ROPN1L: variants seen among roughly 807,000 people sequenced by gnomAD.
ROPN1L encodes the protein ropporin-1-like protein.
A neutral mutation model predicts 22.7 loss-of-function variants in ROPN1L; 23 were observed. The observed-to-expected ratio is 1.01, with a 90% CI of 0.73 to 1.43. The LOEUF is 1.43. ROPN1L is among the 40% of genes most tolerant of loss of function. The pLI is 0.00. For synonymous variants in ROPN1L, 116 were observed against 117.8 expected, an observed-to-expected ratio of 0.98 and a Z score of 0.10; for missense variants, 271 against 291.5, an observed-to-expected ratio of 0.93 and a Z score of 0.51.
At chr5:10,468,882 G>T (rs1480441858), downstream of ROPN1L, among the ~76,000 whole-genome samples, 2 of 152,236 alleles carry the variant, frequency 1.3e-5, no homozygotes, top group African/African-American at 4.8e-5. Flanking sequence ...TGGGCTGGGC[G>T]CAATGGCTCA....
intron 4 of ROPN1L, among the ~76,000 whole-genome samples, chr5:10,471,314 C>A (rs897226257): frequency 2.8e-5 from 4 of 144,144 alleles, no homozygotes; most frequent in Non-Finnish European, 6.1e-5. Context: ...ATTTTTTGTA[C>A]TTTTTTTTTT....
downstream of ROPN1L, among the ~76,000 whole-genome samples, chr5:10,465,913 C>A (rs1049909686): frequency 1.2e-4 from 18 of 152,292 alleles, no homozygotes; most frequent in Middle Eastern, 6.8e-3. Context: ...TTGCTCCCTG[C>A]CTACCCCTCC....
intron 3 of ROPN1L, among the ~76,000 whole-genome samples, chr5:10,456,049 C>G (rs1741412294): frequency 6.6e-6 from 1 of 152,188 alleles, no homozygotes. Flanking sequence ...ATCATGAGAG[C>G]AGCTATAATT....
intron 3 of ROPN1L, among the ~76,000 whole-genome samples, chr5:10,453,304 C>T (rs985881200): frequency 3.3e-5 from 5 of 152,006 alleles, no homozygotes; most frequent in Non-Finnish European, 5.9e-5. Context: ...GTGCTGAGCA[C>T]GAGTTCAAAC....
At chr5:10,481,180 C>T in the ROPN1L span, among the ~76,000 whole-genome samples, 1 of 152,324 alleles carries the variant, frequency 6.6e-6, no homozygotes, top group East Asian at 1.9e-4. Context: ...CAGCAAGCAG[C>T]ATAAGTTTTG....
At chr5:10,461,870 C>T (rs531197250) in intron 4 of ROPN1L, among the ~76,000 whole-genome samples, 1 of 152,246 alleles carries the variant, frequency 6.6e-6, no homozygotes, top group Non-Finnish European at 1.5e-5. Flanking sequence ...AGGGCAAGGT[C>T]TGGAAGGGTC....
chr5:10,464,699 G>A, intron 4 of ROPN1L, 149 bp from the exon 5 acceptor site: 1 of 524,300 alleles, frequency 1.9e-6, no homozygotes, highest in Non-Finnish European at 3.4e-6. Flanking sequence ...AAAATAGAAT[G>A]CTTTATTTTT....
At chr5:10,468,464 A>G (rs544869616), downstream of ROPN1L, among the ~76,000 whole-genome samples, 1 of 152,344 alleles carries the variant, frequency 6.6e-6, no homozygotes, top group South Asian at 2.1e-4. Context: ...ACAAGGCTGA[A>G]TCATCTATGT....
chr5:10,452,209 G>A (rs1346187893), intron 3 of ROPN1L, among the ~76,000 whole-genome samples: 1 of 151,830 alleles, frequency 6.6e-6, no homozygotes, highest in Non-Finnish European at 1.5e-5. Flanking sequence ...TTGAACTCCT[G>A]ACCTCAGGTG....
chr5:10,447,310 G>A (rs1049300508), intron 1 of ROPN1L, among the ~76,000 whole-genome samples: 1 of 152,184 alleles, frequency 6.6e-6, no homozygotes, highest in African/African-American at 2.4e-5. Context: ...CCAGAGGCTG[G>A]GTGTGGGTTC....
At chr5:10,480,793 T>A in the ROPN1L span, among the ~76,000 whole-genome samples, 1 of 152,284 alleles carries the variant, frequency 6.6e-6, no homozygotes, top group South Asian at 2.1e-4. Context: ...GAGGATCTGC[T>A]TGAGAACTCC....
At chr5:10,480,529 C>T in the ROPN1L span, among the ~76,000 whole-genome samples, 3 of 151,576 alleles carry the variant, frequency 2.0e-5, no homozygotes, top group Non-Finnish European at 2.9e-5. Flanking sequence ...TGGGGTGGGT[C>T]GGTGAGGCGG....
At chr5:10,451,337 C>G (rs1741245457) in intron 3 of ROPN1L, among the ~76,000 whole-genome samples, 1 of 152,230 alleles carries the variant, frequency 6.6e-6, no homozygotes, top group Non-Finnish European at 1.5e-5. Context: ...CACCTGTGGC[C>G]TCCTCCCATG....
chr5:10,469,433 G>A (rs973634309), downstream of ROPN1L, among the ~76,000 whole-genome samples: 7 of 152,064 alleles, frequency 4.6e-5, no homozygotes, highest in Admixed American at 2.0e-4. Context: ...GCCACAGTGA[G>A]CTATGATTGC....
chr5:10,456,389 G>A (rs1741422550), intron 3 of ROPN1L, among the ~76,000 whole-genome samples: 1 of 152,218 alleles, frequency 6.6e-6, no homozygotes, highest in African/African-American at 2.4e-5. Context: ...TCAGGAGGCT[G>A]AGGCAGGAGA....
At chr5:10,453,327 G>T (rs972664752) in intron 3 of ROPN1L, among the ~76,000 whole-genome samples, 1 of 152,162 alleles carries the variant, frequency 6.6e-6, no homozygotes, top group Non-Finnish European at 1.5e-5. Context: ...CTGTCTCGGG[G>T]TGCGCTGGGT....
chr5:10,454,469 A>C lies in ROPN1L; in HGVS notation c.417+4356A>C, dbSNP rs561235015. ...TACAATGCCATTAATGATCCTGAGC[A>C]TTAAAGCTGTGGATCAAAATGTTTT... On this transcript the variant is annotated intron_variant, in intron 3 of 4. Coordinates refer to ENST00000274134, the MANE Select transcript of ROPN1L (RefSeq NM_031916.5). 2.3e-3 allele frequency among the ~76,000 whole-genome samples: 351 copies of C among 152,304 alleles called. 1 individual carries two copies. Among genetic ancestry groups the C allele is most frequent in the Non-Finnish European group, 4.2e-3 (289 of 68,020 alleles).
downstream of ROPN1L, among the ~76,000 whole-genome samples, chr5:10,474,443 C>T (rs1001462484): frequency 3.3e-5 from 5 of 152,190 alleles, no homozygotes; most frequent in Non-Finnish European, 7.3e-5. Flanking sequence ...GCTGTCACTG[C>T]GAGGGCACCA....
intron 3 of ROPN1L, among the ~76,000 whole-genome samples, chr5:10,450,560 G>T (rs560173221): frequency 6.6e-6 from 1 of 152,016 alleles, no homozygotes; most frequent in Non-Finnish European, 1.5e-5. Flanking sequence ...GTACAATGGC[G>T]CAATCTCGGC....
Sources: gnomAD v4.1 joint callset for allele counts (sites outside exome capture counted in the v4.1 genomes callset) on GRCh38, gnomAD v4.1.1 for gene constraint, MANE v1.5 for transcripts, NCBI Gene and HGNC (gene_info 2026-07-23, HGNC 2026-07-21) for gene names.